CACNA2D3: variants seen among roughly 807,000 people sequenced by gnomAD.
CACNA2D3 encodes voltage-dependent calcium channel subunit alpha-2/delta-3.
A neutral mutation model predicts 160.6 loss-of-function variants in CACNA2D3; 60 were observed. The ratio of observed to expected loss-of-function variants is 0.37; its 90% CI spans 0.30 to 0.46. The LOEUF (loss-of-function observed/expected upper bound fraction) is 0.46, where lower values mean the gene tolerates loss of function less well. Among genes scored for constraint, CACNA2D3 ranks in the 20% least tolerant of loss-of-function variants. The pLI, the probability that CACNA2D3 is intolerant of heterozygous loss-of-function variation, is 1.00. For synonymous variants in CACNA2D3, 558 were observed against 492.9 expected (o/e 1.13, Z -1.75); for missense variants, 1,205 against 1,365.0 (o/e 0.88, Z 1.85).
At chr3:54,703,625 A>G (rs987307820) in intron 11 of CACNA2D3, among the ~76,000 whole-genome samples, 1 of 152,156 alleles carries the variant, frequency 6.6e-6, no homozygotes, top group African/African-American at 2.4e-5. Context: ...TCCCCCTACA[A>G]TTATCCCATC....
At chr3:54,540,008 A>T (rs1233241256) in intron 5 of CACNA2D3, among the ~76,000 whole-genome samples, 1 of 152,108 alleles carries the variant, frequency 6.6e-6, no homozygotes, top group Non-Finnish European at 1.5e-5. Flanking sequence ...TCACCAACTC[A>T]ATTTGCAGCC....
At chr3:55,054,028 A>G (rs530489032) in intron 35 of CACNA2D3, among the ~76,000 whole-genome samples, 4 of 149,958 alleles carry the variant, frequency 2.7e-5, no homozygotes, top group Non-Finnish European at 4.5e-5. Context: ...TTTTCCTGCT[A>G]TTGGCTTATT....
intron 4 of CACNA2D3, among the ~76,000 whole-genome samples, chr3:54,418,611 A>T (rs1699793537): frequency 6.6e-6 from 1 of 152,200 alleles, no homozygotes; most frequent in Non-Finnish European, 1.5e-5. Context: ...TTCACCTTTG[A>T]GGAAATGTCT....
rs920098193 is a variant in CACNA2D3 at position 54,878,703 on chromosome 3, G to A, written c.1711-315G>A. 5 of 227,012 alleles carry A rather than the reference G, an allele frequency of 2.2e-5. No homozygotes were observed. The East Asian group carries it at 2.6e-4, about 12-fold the overall frequency. The allele number at this position is 227,012 out of a possible 1,614,324, so 14.1% of individuals were successfully genotyped here. ...GAAAACGTACCTTGTCCCCAGAGAC[G>A]TTCTTGCTCGGCATTTCAGCGGGTC... On this transcript the variant is annotated intron_variant, in intron 18 of 37. Coordinates refer to ENST00000474759, the MANE Select transcript of CACNA2D3 (RefSeq NM_018398.3).
intron 32 of CACNA2D3, among the ~76,000 whole-genome samples, chr3:55,006,897 A>G (rs1382177019): frequency 6.6e-6 from 1 of 152,234 alleles, no homozygotes; most frequent in Non-Finnish European, 1.5e-5. Context: ...AGGATTTGGC[A>G]TGCATTTCAA....
chr3:54,154,530 TC>T (rs35365297), intron 2 of CACNA2D3, among the ~76,000 whole-genome samples: 1 of 151,638 alleles, frequency 6.6e-6, no homozygotes, highest in Admixed American at 6.6e-5. Flanking sequence ...TTACTCTTTT[TC>T]CCCCCCGAAT....
At chr3:55,010,066 G>A (rs1244902176) in intron 34 of CACNA2D3, among the ~76,000 whole-genome samples, 6 of 152,152 alleles carry the variant, frequency 3.9e-5, no homozygotes, top group Non-Finnish European at 7.3e-5. Context: ...GTGTGTGTGT[G>A]CATGTATGTT....
chr3:54,908,658 A>C (rs1313463923), intron 27 of CACNA2D3, among the ~76,000 whole-genome samples: 1 of 152,232 alleles, frequency 6.6e-6, no homozygotes, highest in African/African-American at 2.4e-5. Context: ...TCAAGGCTGC[A>C]GTGAGCCGAG....
intron 27 of CACNA2D3, among the ~76,000 whole-genome samples, chr3:54,953,652 C>G (rs1701812311): frequency 6.6e-6 from 1 of 152,180 alleles, no homozygotes; most frequent in Non-Finnish European, 1.5e-5. Flanking sequence ...AGGTCCAGTT[C>G]CCCAGGAGCT....
Position 54,132,351 on chromosome 3 carries a change from G to A in CACNA2D3, c.204+8757G>A, listed in dbSNP as rs545830820. Reference sequence around the variant, plus strand: ...ATCTGGCAACCAATAAAGGGTGTTTGTGTGCGGGTGTATGTGTTTTATATA... The same window carrying A: ...ATCTGGCAACCAATAAAGGGTGTTTATGTGCGGGTGTATGTGTTTTATATA... On this transcript the variant is annotated intron_variant, in intron 2 of 37. Transcript: ENST00000474759. 3.9e-5 allele frequency among the ~76,000 whole-genome samples: 6 copies of A among 152,318 alleles called. No individual in the cohort carries two copies. The East Asian group carries it at 1.2e-3, about 29-fold the overall frequency.
At chr3:54,842,607 C>T (rs1225321205) in intron 16 of CACNA2D3, among the ~76,000 whole-genome samples, 4 of 143,116 alleles carry the variant, frequency 2.8e-5, no homozygotes, top group Non-Finnish European at 3.0e-5. Context: ...TTTTTCTTTT[C>T]TTTTTTTTTT....
chr3:54,557,014 C>T (rs1437042799), intron 5 of CACNA2D3, among the ~76,000 whole-genome samples: 2 of 151,796 alleles, frequency 1.3e-5, no homozygotes, highest in Non-Finnish European at 2.9e-5. Context: ...GATGAAAGCT[C>T]CATCTATTTT....
intron 11 of CACNA2D3, among the ~76,000 whole-genome samples, chr3:54,678,448 C>T (rs747837866): frequency 9.2e-5 from 14 of 152,030 alleles, no homozygotes; most frequent in Admixed American, 2.0e-4. Context: ...ACTGGCCGGG[C>T]GCGGTGGCTC....
chr3:55,037,071 C>G (rs989866623), intron 35 of CACNA2D3, among the ~76,000 whole-genome samples: 2 of 152,110 alleles, frequency 1.3e-5, no homozygotes, highest in African/African-American at 4.8e-5. Flanking sequence ...TCGTGTATAA[C>G]ACAATAGGAC....
intron 11 of CACNA2D3, among the ~76,000 whole-genome samples, chr3:54,736,038 T>C (rs1559563535): frequency 1.8e-3 from 82 of 46,182 alleles, no homozygotes; most frequent in Non-Finnish European, 2.7e-3. Context: ...TATATATGTA[T>C]ATATATACAC....
At chr3:54,296,646 G>C (rs937391434) in intron 2 of CACNA2D3, among the ~76,000 whole-genome samples, 2 of 152,156 alleles carry the variant, frequency 1.3e-5, no homozygotes, top group African/African-American at 4.8e-5. Context: ...CTGCAGAGTA[G>C]TCATTAGCTT....
In CACNA2D3 at chr3:54,204,375, G is replaced by A. The variant is rs568151317; in HGVS notation, c.204+80781G>A. Reference sequence around the variant, plus strand: ...GTATATGGCTCTGTTTCTGTTTTCCGGAGAACCTTGGCTAATATAAGTGCC... The same window carrying A: ...GTATATGGCTCTGTTTCTGTTTTCCAGAGAACCTTGGCTAATATAAGTGCC... On this transcript the variant is annotated intron_variant, in intron 2 of 37. Transcript: ENST00000474759. Among the ~76,000 whole-genome samples, 42 of 72,282 alleles carry A rather than the reference G, an allele frequency of 5.8e-4. 1 individual carries two copies. In the South Asian group the frequency reaches 0.015, roughly 25 times the overall value. 47.4% of individuals were successfully genotyped at this position (72,282 alleles called of 152,430 possible).
At chr3:54,821,291 C>T (rs1017919079) in intron 14 of CACNA2D3, among the ~76,000 whole-genome samples, 2 of 152,148 alleles carry the variant, frequency 1.3e-5, no homozygotes. Flanking sequence ...TTCAGGGCTG[C>T]GCAGTATGGC....
chr3:54,465,738 T>A (rs1700611693), intron 4 of CACNA2D3, among the ~76,000 whole-genome samples: 1 of 152,228 alleles, frequency 6.6e-6, no homozygotes, highest in East Asian at 1.9e-4. Context: ...CCTAGAGATG[T>A]ACTACTTTTC....
Sources: allele counts gnomAD v4.1 joint callset (sites outside exome capture counted in the v4.1 genomes callset), GRCh38; gene constraint gnomAD v4.1.1; transcripts MANE v1.5; gene names NCBI Gene and HGNC (gene_info 2026-07-23, HGNC 2026-07-21).